SYN3: variants seen among roughly 807,000 people sequenced by gnomAD.
SYN3 encodes synapsin III.
Under a neutral mutation model 65.8 loss-of-function variants are expected in SYN3, and 35 were observed. That is an observed-to-expected ratio of 0.53 (90% CI 0.41 to 0.70). SYN3 has a LOEUF of 0.70. Ranked by LOEUF, SYN3 falls within the 30% of genes least tolerant of loss-of-function variation. The pLI is 0.00. For missense variants in SYN3, 680 were observed against 749.0 expected (o/e 0.91, Z 1.08); for synonymous variants, 270 against 292.9 (o/e 0.92, Z 0.80).
chr22:32,844,306 C>A (rs777438272), intron 6 of SYN3, among the ~76,000 whole-genome samples: 1 of 152,164 alleles, frequency 6.6e-6, no homozygotes, highest in Non-Finnish European at 1.5e-5. Context: ...TGGAGACACA[C>A]CAGTAAGCTT....
chr22:32,608,721 G>T (rs931532483), intron 6 of SYN3, among the ~76,000 whole-genome samples: 2 of 152,148 alleles, frequency 1.3e-5, no homozygotes, highest in Non-Finnish European at 1.5e-5. Flanking sequence ...GATATCCTTG[G>T]CAAGTTTCTT....
chr22:32,964,047 G>T (rs1274609806), intron 3 of SYN3, among the ~76,000 whole-genome samples: 1 of 152,002 alleles, frequency 6.6e-6, no homozygotes, highest in Non-Finnish European at 1.5e-5. Context: ...TGGGCTGGGT[G>T]GGGAGGGCAC....
At chr22:32,906,430 A>G (rs1490207693) in intron 4 of SYN3, among the ~76,000 whole-genome samples, 1 of 152,152 alleles carries the variant, frequency 6.6e-6, no homozygotes, top group Admixed American at 6.5e-5. Context: ...TAGATGCCCT[A>G]TTCATTCCTG....
At chr22:32,886,087 T>C (rs1047556905) in intron 4 of SYN3, among the ~76,000 whole-genome samples, 5 of 152,378 alleles carry the variant, frequency 3.3e-5, no homozygotes, top group East Asian at 1.9e-4. Context: ...GACAGCCATA[T>C]GTTGTTCTTG....
At chr22:33,003,492 C>G (rs1227282529) in intron 2 of SYN3, among the ~76,000 whole-genome samples, 3 of 152,234 alleles carry the variant, frequency 2.0e-5, no homozygotes, top group East Asian at 1.9e-4. Context: ...AGATGAAAAA[C>G]TTTTTGGGAA....
chr22:32,734,533 A>ACAGACAGACAGACAGC (rs1215704231), intron 6 of SYN3, among the ~76,000 whole-genome samples: 2 of 152,066 alleles, frequency 1.3e-5, no homozygotes, highest in Non-Finnish European at 2.9e-5. Flanking sequence ...AGACAGACAG[A>ACAGACAGACAGACAGC]CATCGCCCTG....
intron 10 of SYN3, among the ~76,000 whole-genome samples, chr22:32,533,077 CG>C (rs1569011894): frequency 6.6e-6 from 1 of 151,058 alleles, no homozygotes; most frequent in African/African-American, 2.4e-5. Context: ...TAGTGGGATA[CG>C]GGGAAACAGA....
intron 6 of SYN3, among the ~76,000 whole-genome samples, chr22:32,705,943 C>A (rs1359873147): frequency 6.6e-6 from 1 of 152,154 alleles, no homozygotes. Context: ...TGTTTATCAG[C>A]TTAAAGAGCT....
At chr22:32,642,678 TCG>T (rs2059919956) in intron 6 of SYN3, among the ~76,000 whole-genome samples, 1 of 152,082 alleles carries the variant, frequency 6.6e-6, no homozygotes, top group African/African-American at 2.4e-5. Context: ...TCCGCCCGCC[TCG>T]GCCTCCCAAA....
intron 6 of SYN3, among the ~76,000 whole-genome samples, chr22:32,671,791 TCACA>T (rs2060374074): frequency 6.8e-6 from 1 of 146,950 alleles, no homozygotes; most frequent in South Asian, 2.2e-4. Flanking sequence ...ACACATGCTC[TCACA>T]CAGGTACACA....
chr22:32,528,511 T>A (rs1193816463), intron 11 of SYN3, among the ~76,000 whole-genome samples: 1 of 152,192 alleles, frequency 6.6e-6, no homozygotes, highest in Admixed American at 6.5e-5. Context: ...CACAGAGGGC[T>A]TGTGTGTCCA....
intron 6 of SYN3, among the ~76,000 whole-genome samples, chr22:32,790,131 A>T (rs1352331089): frequency 6.6e-6 from 1 of 152,234 alleles, no homozygotes; most frequent in Non-Finnish European, 1.5e-5. Context: ...AATATTTAAC[A>T]AGTAGCTCTA....
chr22:32,587,222 CAA>C (rs11341864), intron 7 of SYN3, among the ~76,000 whole-genome samples: 1,265 of 86,400 alleles, frequency 0.015, 23 homozygotes, highest in African/African-American at 0.048. Context: ...GCTCTTATCT[CAA>C]AAAAAAAAAA....
chr22:32,625,182 TG>T (rs979171899), intron 6 of SYN3, among the ~76,000 whole-genome samples: 3 of 152,236 alleles, frequency 2.0e-5, no homozygotes, highest in African/African-American at 7.2e-5. Flanking sequence ...AACCTCAGTC[TG>T]GCAGCCCACA....
intron 1 of SYN3, among the ~76,000 whole-genome samples, chr22:33,017,827 C>T (rs1416471693): frequency 6.7e-6 from 1 of 150,184 alleles, no homozygotes; most frequent in Non-Finnish European, 1.5e-5. Context: ...CAAACAGAGA[C>T]AATTTCACTT....
intron 7 of SYN3, among the ~76,000 whole-genome samples, chr22:32,575,961 G>A (rs1462207258): frequency 2.0e-5 from 3 of 152,160 alleles, no homozygotes; most frequent in African/African-American, 7.2e-5. Flanking sequence ...CAGAACAGAT[G>A]TGAGTACATT....
intron 7 of SYN3, among the ~76,000 whole-genome samples, chr22:32,578,184 C>CTCTT (rs71724252): frequency 1.3e-5 from 2 of 150,826 alleles, no homozygotes; most frequent in Non-Finnish European, 3.0e-5. Flanking sequence ...TTCTTTCTTT[C>CTCTT]TCTTTCTTTC....
At chr22:32,998,787 AAAAAAAAAAAAAC>A (rs2052967747) in intron 2 of SYN3, among the ~76,000 whole-genome samples, 1 of 138,620 alleles carries the variant, frequency 7.2e-6, no homozygotes. Flanking sequence ...AAAAAAAAAA[AAAAAAAAAAAAAC>A]AAAAGTCCCT....
intron 4 of SYN3, among the ~76,000 whole-genome samples, chr22:32,919,748 G>A (rs1424957959): frequency 6.6e-6 from 1 of 152,226 alleles, no homozygotes; most frequent in African/African-American, 2.4e-5. Context: ...TTGATGGGAT[G>A]TTAGAGAAGT....
Sources: gnomAD v4.1 joint callset for allele counts (sites outside exome capture counted in the v4.1 genomes callset) on GRCh38, gnomAD v4.1.1 for gene constraint, MANE v1.5 for transcripts, NCBI Gene and HGNC (gene_info 2026-07-23, HGNC 2026-07-21) for gene names.